The following BMPR1A variants were observed in gnomAD, a reference collection of about 807,000 sequenced individuals.
The protein encoded by BMPR1A is bone morphogenetic protein receptor type-1A.
In BMPR1A, 7 loss-of-function variants were observed where a neutral mutation model predicts 66.0. The observed-to-expected ratio is 0.11, with a 90% CI of 0.06 to 0.20. The LOEUF (loss-of-function observed/expected upper bound fraction) is 0.20, where lower values mean the gene tolerates loss of function less well. BMPR1A is among the 10% of genes least tolerant of loss of function. The pLI is 1.00. For synonymous variants in BMPR1A, 200 were observed against 229.7 expected (o/e 0.87, Z 1.17); for missense variants, 408 against 669.1 (o/e 0.61, Z 4.31).
intron 1 of BMPR1A, among the ~76,000 whole-genome samples, chr10:86,815,727 G>A (rs1464231582): frequency 6.6e-6 from 1 of 152,154 alleles, no homozygotes; most frequent in African/African-American, 2.4e-5. Flanking sequence ...ACCCACCCAC[G>A]CGGCCAAGTG....
Position 86,912,116 on chromosome 10 carries a change from A to G in BMPR1A, c.531-124A>G, listed in dbSNP as rs73351791. The G allele has an allele frequency of 4.0e-3, 4,158 of 1,030,982 alleles. 119 individuals carry two copies. The African/African-American group carries it at 0.06, about 15-fold the overall frequency. 63.9% of individuals were successfully genotyped at this position (1,030,982 alleles called of 1,614,324 possible). ...ATTTAACAGGATATATTATCCAATG[A>G]TAAGACTAATTTGGATAGGATTCTT... On this transcript the variant is annotated intron_variant, in intron 7 of 12. Transcript: ENST00000372037.
intron 1 of BMPR1A, among the ~76,000 whole-genome samples, chr10:86,823,028 A>T (rs1480222451): frequency 2.0e-5 from 3 of 152,252 alleles, no homozygotes; most frequent in Non-Finnish European, 4.4e-5. Context: ...TATAGAATTT[A>T]GCACAGTAAC....
At chr10:86,772,612 T>C (rs1165458485) in intron 1 of BMPR1A, among the ~76,000 whole-genome samples, 1 of 152,164 alleles carries the variant, frequency 6.6e-6, no homozygotes, top group East Asian at 1.9e-4. Flanking sequence ...ATTAAGTCCA[T>C]CTGTGGGGCA....
intron 1 of BMPR1A, among the ~76,000 whole-genome samples, chr10:86,822,622 T>C (rs113676523): frequency 0.023 from 2,550 of 113,216 alleles, 78 homozygotes; most frequent in African/African-American, 0.1. Flanking sequence ...TCTTTTTTTT[T>C]CCCGTTTTTA....
At chr10:86,812,321 C>T (rs940980187) in intron 1 of BMPR1A, among the ~76,000 whole-genome samples, 1 of 152,154 alleles carries the variant, frequency 6.6e-6, no homozygotes, top group Non-Finnish European at 1.5e-5. Flanking sequence ...TTTTGAGGGT[C>T]ATCCAGGTTG....
At chr10:86,891,819 G>C (rs543823939) in intron 4 of BMPR1A, among the ~76,000 whole-genome samples, 1 of 152,290 alleles carries the variant, frequency 6.6e-6, no homozygotes, top group Admixed American at 6.5e-5. Flanking sequence ...TTATAAATCA[G>C]CTTTCTGTGA....
intron 2 of BMPR1A, among the ~76,000 whole-genome samples, chr10:86,872,338 A>G (rs1372205812): frequency 6.6e-6 from 1 of 152,204 alleles, no homozygotes; most frequent in African/African-American, 2.4e-5. Flanking sequence ...TATTTACATT[A>G]TATAATATAT....
chr10:86,914,134 A>G (rs571315366), intron 8 of BMPR1A, among the ~76,000 whole-genome samples: 1 of 152,210 alleles, frequency 6.6e-6, no homozygotes, highest in South Asian at 2.1e-4. Context: ...AAAAAAACAA[A>G]AAGATGCCCA....
At position 86,862,927 on chromosome 10, in the gene BMPR1A, G is replaced by A. The variant is rs150407832; in HGVS notation, c.-152-12940G>A. On this transcript the variant is annotated intron_variant, in intron 2 of 12. Transcript: ENST00000372037. ...AAGGAAAGATAAATAGTGACAAATT[G>A]TATAGTTGCTGATAACATTGTTAAG... 1.8e-4 allele frequency among the ~76,000 whole-genome samples: 28 copies of A among 151,852 alleles called. 1 individual carries two copies. Among genetic ancestry groups the A allele is most frequent in the African/African-American group, 6.8e-4 (28 of 41,374 alleles).
chr10:86,890,265 AGAGTT>A, intron 4 of BMPR1A, 41 bp downstream of exon 4: 4 of 1,607,770 alleles, frequency 2.5e-6, no homozygotes, highest in Non-Finnish European at 3.4e-6. Context: ...TTAGGAGAAT[AGAGTT>A]GCATTTAGTG....
At chr10:86,757,252 C>T (rs1234535694) in intron 1 of BMPR1A, among the ~76,000 whole-genome samples, 1 of 152,142 alleles carries the variant, frequency 6.6e-6, no homozygotes, top group Non-Finnish European at 1.5e-5. Context: ...CTCCCCGCCC[C>T]GGAGCGGCGA....
intron 5 of BMPR1A, among the ~76,000 whole-genome samples, chr10:86,893,727 G>A (rs1237644397): frequency 6.6e-6 from 1 of 151,712 alleles, no homozygotes; most frequent in African/African-American, 2.4e-5. Flanking sequence ...GGTGGAGCTT[G>A]CAGTGAGCTG....
chr10:86,898,397 C>A (rs1480825226), intron 5 of BMPR1A, among the ~76,000 whole-genome samples: 1 of 152,090 alleles, frequency 6.6e-6, no homozygotes, highest in Non-Finnish European at 1.5e-5. Context: ...ATCTCTCTTA[C>A]AAGGGCTTTC....
chr10:86,845,491 A>G (rs1842471266), intron 2 of BMPR1A, among the ~76,000 whole-genome samples: 2 of 152,190 alleles, frequency 1.3e-5, no homozygotes, highest in South Asian at 4.1e-4. Context: ...TCTCCGAGGA[A>G]CAAAACAGAG....
At chr10:86,786,165 C>T (rs1195408578) in intron 1 of BMPR1A, among the ~76,000 whole-genome samples, 2 of 152,136 alleles carry the variant, frequency 1.3e-5, no homozygotes, top group African/African-American at 4.8e-5. Flanking sequence ...GGGCCAAAAC[C>T]TGCACTGTGC....
chr10:86,757,747 C>T (rs916218232), intron 1 of BMPR1A, among the ~76,000 whole-genome samples: 1 of 152,140 alleles, frequency 6.6e-6, no homozygotes, highest in Non-Finnish European at 1.5e-5. Flanking sequence ...ATCCTTACAA[C>T]GATTCTGGTT....
In BMPR1A at chr10:86,923,689, G is replaced by A. The variant is rs876659703; in HGVS notation, c.1569G>A (p.Lys523=). The A allele has an allele frequency of 2.5e-6, 4 of 1,613,940 alleles. No individual in the cohort carries two copies. In the African/African-American group the frequency reaches 5.3e-5, roughly 22 times the overall value. The change falls in exon 13 of 13, where the codon AAG becomes AAA. Residue 523 remains lysine (K), a synonymous_variant. Transcript: ENST00000372037. ...TGAGAATTAAGAAGACGCTTGCCAA[G>A]ATGGTTGAATCCCAAGATGTAAAAA... ...TALRIKKTLA[K]MVESQDVKI
chr10:86,895,007 C>A (rs891295466), intron 5 of BMPR1A, among the ~76,000 whole-genome samples: 3 of 152,120 alleles, frequency 2.0e-5, no homozygotes, highest in Non-Finnish European at 4.4e-5. Flanking sequence ...CATAGTCAAC[C>A]CCTCCTAGTT....
intron 2 of BMPR1A, among the ~76,000 whole-genome samples, chr10:86,851,902 A>G (rs937560939): frequency 1.3e-5 from 2 of 152,174 alleles, no homozygotes; most frequent in African/African-American, 4.8e-5. Context: ...TTAGGTTTTT[A>G]AGCAGAGAGA....
Sources: allele counts gnomAD v4.1 joint callset (sites outside exome capture counted in the v4.1 genomes callset), GRCh38; gene constraint gnomAD v4.1.1; transcripts MANE v1.5; gene names NCBI Gene and HGNC (gene_info 2026-07-23, HGNC 2026-07-21).